The following TTN variants were observed in gnomAD, a reference collection of about 807,000 sequenced individuals.
The protein encoded by TTN is connectin.
A neutral mutation model predicts 3,223.0 loss-of-function variants in TTN; 1,525 were observed. The observed-to-expected ratio is 0.47, with a 90% CI of 0.45 to 0.49. The LOEUF (loss-of-function observed/expected upper bound fraction) is 0.49. Among genes scored for constraint, TTN ranks in the 20% least tolerant of loss-of-function variants. The pLI is 0.00. For missense variants in TTN, 40,786 were observed against 43,424.0 expected (o/e 0.94, Z 5.40); for synonymous variants, 14,094 against 15,161.0 (o/e 0.93, Z 5.17).
intron 38 of TTN, 64 bp downstream of exon 38, chr2:178,768,609 A>G: frequency 6.2e-7 from 1 of 1,607,974 alleles, no homozygotes; most frequent in Non-Finnish European, 8.5e-7. Context: ...ATTAATTGAT[A>G]CACTAAATTT....
intron 151 of TTN, 143 bp downstream of exon 151, chr2:178,674,171 A>T: frequency 1.6e-6 from 1 of 611,372 alleles, no homozygotes. Flanking sequence ...GGACACATAG[A>T]TTCAGGTGCC....
At chr2:178,704,068 G>A in intron 106 of TTN, 79 bp downstream of exon 106, 1 of 1,535,074 alleles carries the variant, frequency 6.5e-7, no homozygotes. Flanking sequence ...GTGTCTACAG[G>A]TAGGGTTGCA....
intron 98 of TTN, 86 bp downstream of exon 98, chr2:178,710,549 G>T (rs1250824731): frequency 2.1e-6 from 3 of 1,423,180 alleles, no homozygotes; most frequent in South Asian, 1.4e-5. Flanking sequence ...GTCCTAAATT[G>T]CATTCATCAT....
rs759630792 is a variant in TTN, at chr2:178,562,412, C to T, written c.83720G>A (p.Ser27907Asn). The T allele has an allele frequency of 3.0e-5, 48 of 1,612,096 alleles. No homozygotes were observed. In the South Asian group the frequency reaches 5.1e-4, roughly 17 times the overall value. The change falls in exon 326 of 363, where the codon AGT becomes AAT. Residue 27907 changes from serine to asparagine, a missense_variant. By Grantham distance (46) the Ser-to-Asn change is conservative (BLOSUM62 1). Transcript: ENST00000589042. The part of the protein sequence containing the change: ...GYVVEMQTKG[S>N]EKWSTCTQVK... Reference sequence around the variant, plus strand: ...TTGTGTGCAGGTGCTCCACTTTTCACTCCCTTTAGTCTGCATTTCAACCAC... The same window carrying T: ...TTGTGTGCAGGTGCTCCACTTTTCATTCCCTTTAGTCTGCATTTCAACCAC...
At chr2:178,651,999 A>G (rs1397708900) in intron 204 of TTN, 32 bp from the exon 205 acceptor site, 2 of 1,611,056 alleles carry the variant, frequency 1.2e-6, no homozygotes, top group African/African-American at 2.7e-5. Flanking sequence ...TTAATGCCAG[A>G]ATTGACTAAA....
In TTN at chr2:178,624,593, T is replaced by C. The variant is rs867080281; in HGVS notation, c.44687A>G (p.Lys14896Arg). The change falls in exon 242 of 363, where the codon AAG becomes AGG. Residue 14896 changes from lysine (K) to arginine (R), a missense_variant. By Grantham distance (26) the Lys-to-Arg change is conservative (BLOSUM62 2). Transcript: ENST00000589042. ...GCCATCAGCAACAATTTCATACTTC[T>C]TGCTTTTGAGGATTTCTGTCCCATT... is the stretch of plus-strand genomic sequence containing the variant. ...FKNGTEILKSKKYEIVADGRV... is the reference protein window; with the variant it reads ...FKNGTEILKSRKYEIVADGRV... 1.9e-6 allele frequency: 3 copies of C among 1,612,760 alleles called. No homozygotes were observed. In the African/African-American group the frequency reaches 4.0e-5, roughly 22 times the overall value.
intron 114 of TTN, 33 bp downstream of exon 114, chr2:178,695,832 A>G: frequency 7.3e-7 from 1 of 1,364,364 alleles, no homozygotes; most frequent in Non-Finnish European, 9.5e-7. Context: ...AAATGAAGAA[A>G]AGAGGGAAAC....
chr2:178,670,722 CA>C (rs1278253920), intron 156 of TTN, among the ~76,000 whole-genome samples: 1 of 151,838 alleles, frequency 6.6e-6, no homozygotes, highest in East Asian at 1.9e-4. Context: ...ACATTAAACA[CA>C]TATTCACTAT....
rs752830989 is a variant in TTN, at chr2:178,732,041, C to T, written c.16903+25G>A. ...GTGCCATGGGCCATAACTTTGGCAA[C>T]ACAAGAGGCAAAGTGAACACAAACC... On this transcript the variant is annotated intron_variant, in intron 57 of 362. Transcript: ENST00000589042. 2.0e-5 allele frequency: 32 copies of T among 1,589,446 alleles called. No homozygotes were observed. In the Middle Eastern group the frequency reaches 8.4e-4, roughly 42 times the overall value.
intron 306 of TTN, 49 bp from the exon 307 acceptor site, chr2:178,587,466 T>C (rs781420378): frequency 6.2e-7 from 1 of 1,602,802 alleles, no homozygotes; most frequent in Non-Finnish European, 8.5e-7. Context: ...AGCATCCCTA[T>C]TAACAAATTC....
intron 138 of TTN, 147 bp from the exon 139 acceptor site, chr2:178,680,478 C>T (rs2069123431): frequency 1.1e-5 from 8 of 701,270 alleles, no homozygotes; most frequent in Non-Finnish European, 1.9e-5. Flanking sequence ...AAACTATATA[C>T]TCTCTGTGGA....
At chr2:178,595,446 A>G (rs1406616941) in intron 295 of TTN, 61 bp downstream of exon 295, 3 of 1,481,718 alleles carry the variant, frequency 2.0e-6, no homozygotes, top group East Asian at 2.5e-5. Context: ...TTTTTTCACC[A>G]TAGTCTTGTA....
chr2:178,728,043 A>G (rs536567607), intron 67 of TTN, 67 bp downstream of exon 67: 3 of 1,468,758 alleles, frequency 2.0e-6, no homozygotes, highest in Non-Finnish European at 1.8e-6. Flanking sequence ...AAGGATACAA[A>G]GGCAAGAGTG....
Position 178,546,525 on chromosome 2 carries a change from T to A in TTN, c.94829-23A>T, listed in dbSNP as rs767028722. ...GAGCTGTCAGTAGGCAAAACAGATA[T>A]GAATGAATATCTGAGAGTTTATTTT... On this transcript the variant is annotated intron_variant, in intron 341 of 362. Transcript: ENST00000589042. The A allele has an allele frequency of 3.1e-6, 5 of 1,602,402 alleles. No homozygotes were observed. The South Asian group carries it at 4.4e-5, about 14-fold the overall frequency.
In TTN at chr2:178,722,545, C is replaced by T. The variant is rs1422386133; in HGVS notation, c.22242G>A (p.Glu7414=). The T allele has an allele frequency of 1.9e-6, 3 of 1,610,470 alleles. No individual in the cohort carries two copies. Among genetic ancestry groups the T allele is most frequent in the South Asian group, 2.2e-5 (2 of 90,560 alleles). The change falls in exon 77 of 363, where the codon GAG becomes GAA. Residue 7414 remains glutamate (E), a splice_region_variant and synonymous_variant. Transcript: ENST00000589042. ...TTGCAAAAGAAGGTGGGAGTTGGCG[C>T]TCTGTAGGGAGACATGTAATACTTA... ...ASSKTVFRIQ[E]RQLPPSFARQ... is the part of the protein sequence containing the mutation.
Position 178,590,579 on chromosome 2 carries a change from G to T in TTN, c.61146C>A (p.Asp20382Glu). 6.2e-7 allele frequency: 1 copy of T among 1,612,584 alleles called. No homozygotes were observed. The highest frequency in any genetic ancestry group is 2.2e-5 in the East Asian group (1 of 44,768). ...CCAAATCAGCTGTTTCTCTGCTCTT[G>T]TCTTTCAGTTTAGGATTAATAGGTG... ...PGPPINPKLKDKSRETADLVW... is the reference protein window; with the variant it reads ...PGPPINPKLKEKSRETADLVW... Residue 20382 changes from aspartate (D) to glutamate (E), a missense_variant, in exon 304 of 363, where the codon GAC becomes GAA. By Grantham distance (45) the Asp-to-Glu change is conservative. Coordinates refer to ENST00000589042, the MANE Select transcript of TTN (RefSeq NM_001267550.2).
rs2065534891 is a variant in TTN, at chr2:178,664,532, C to T, written c.36208G>A (p.Glu12070Lys). 1 of 1,611,350 alleles carries T rather than the reference C, an allele frequency of 6.2e-7. No homozygotes were observed. Among genetic ancestry groups the T allele is most frequent in the South Asian group, 1.1e-5 (1 of 90,864 alleles). ...KPEVLPDEVP[E>K]ALREVVPEKK... is the part of the protein sequence containing the mutation. ...TCCGGGACAACTTCTCTGAGAGCCT[C>T]CGGCACTTTGAAGATATTAATAATT... is the stretch of plus-strand genomic sequence containing the variant. The change falls in exon 168 of 363, where the codon GAG (glutamate) becomes AAG (lysine). Residue 12070 changes from glutamate to lysine, a missense_variant. Glu to Lys is a moderately conservative substitution (Grantham distance 56). Coordinates refer to ENST00000589042, the MANE Select transcript of TTN (RefSeq NM_001267550.2).
rs761767394 is a variant in TTN, at chr2:178,570,756, C to T, written c.75376G>A (p.Gly25126Ser). The change falls in exon 326 of 363, where the codon GGT (glycine) becomes AGT (serine). Residue 25126 changes from glycine (G) to serine (S), a missense_variant. Transcript: ENST00000589042. Reference protein sequence around the residue: ...KYKDTIVVHAGESFKVDADIY... With the variant: ...KYKDTIVVHASESFKVDADIY... Reference sequence around the variant, plus strand: ...TCTGCATCAACCTTGAATGATTCACCAGCATGAACCACGATTGTGTCTTTG... The same window carrying T: ...TCTGCATCAACCTTGAATGATTCACTAGCATGAACCACGATTGTGTCTTTG... The T allele has an allele frequency of 1.9e-6, 3 of 1,613,502 alleles. No homozygotes were observed. Among genetic ancestry groups the T allele is most frequent in the Non-Finnish European group, 2.5e-6 (3 of 1,179,596 alleles).
rs1462179644 is a variant in TTN at position 178,570,717 on chromosome 2, G to A, written c.75415C>T (p.Pro25139Ser). 1 of 1,613,478 alleles carries A rather than the reference G, an allele frequency of 6.2e-7. No homozygotes were observed. Among genetic ancestry groups the A allele is most frequent in the Non-Finnish European group, 8.5e-7 (1 of 1,179,594 alleles). The change falls in exon 326 of 363, where the codon CCA (proline) becomes TCA (serine). Residue 25139 changes from proline to serine, a missense_variant. By Grantham distance (74) the Pro-to-Ser change is moderately conservative. Transcript: ENST00000589042. ...FKVDADIYGK[P>S]IPTIQWIKGD... ...TTTATCCACTGAATGGTTGGTATTG[G>A]TTTGCCATAAATATCTGCATCAACC...
Sources: gnomAD v4.1 joint callset for allele counts (sites outside exome capture counted in the v4.1 genomes callset) on GRCh38, gnomAD v4.1.1 for gene constraint, MANE v1.5 for transcripts, NCBI Gene and HGNC (gene_info 2026-07-23, HGNC 2026-07-21) for gene names.